The following GALNS variants were observed in gnomAD, a reference collection of about 807,000 sequenced individuals.
GALNS encodes the protein N-acetylgalactosamine-6-sulfatase.
Under a neutral mutation model 65.9 loss-of-function variants are expected in GALNS, and 65 were observed. The ratio of observed to expected loss-of-function variants is 0.99; its 90% CI spans 0.81 to 1.21. The LOEUF is 1.21. Ranked by LOEUF, GALNS falls within the 50% of genes most tolerant of loss-of-function variation. The pLI is 0.00. For synonymous variants in GALNS, 346 were observed against 288.9 expected, an observed-to-expected ratio of 1.20 and a Z score of -2.00; for missense variants, 776 against 700.7, an observed-to-expected ratio of 1.11 and a Z score of -1.21.
At chr16:88,855,500 G>A (rs1967774477) in intron 1 of GALNS, 1 of 702,810 alleles carries the variant, frequency 1.4e-6, no homozygotes, top group Non-Finnish European at 2.6e-6. Context: ...GGGCGCTGGA[G>A]AGCGTGCTCT....
chr16:88,838,438 CG>C, intron 4 of GALNS: 1 of 152,952 alleles, frequency 6.5e-6, no homozygotes, highest in Non-Finnish European at 1.5e-5. Flanking sequence ...CTCCTGGGAC[CG>C]GGGTTCACCT....
intron 11 of GALNS, 43 bp downstream of exon 11, chr16:88,824,724 G>A (rs372676267): frequency 6.5e-7 from 1 of 1,543,442 alleles, no homozygotes; most frequent in East Asian, 2.2e-5. Context: ...TCTGGATAGA[G>A]ATGGGGGCAG....
In GALNS at chr16:88,837,695, A is replaced by C; in HGVS notation, c.493T>G (p.Cys165Gly). ...TTGTTGTCATAAGGTCCAAAGTGGCAGTTGGGGGATCCAAACCACTCATCA... is the reference window on the plus strand; with the variant it reads ...TTGTTGTCATAAGGTCCAAAGTGGCCGTTGGGGGATCCAAACCACTCATCA... ...GFDEWFGSPN[C>G]HFGPYDNKAR... is the part of the protein sequence containing the mutation. The change falls in exon 5 of 14, where the codon TGC (cysteine) becomes GGC (glycine). Residue 165 changes from cysteine to glycine, a missense_variant. Cys to Gly is a radical substitution (Grantham distance 159). Coordinates refer to ENST00000268695, the MANE Select transcript of GALNS (RefSeq NM_000512.5). The C allele has an allele frequency of 1.2e-6, 2 of 1,614,084 alleles. No individual in the cohort carries two copies. Among genetic ancestry groups the C allele is most frequent in the Non-Finnish European group, 1.7e-6 (2 of 1,179,976 alleles).
intron 13 of GALNS, chr16:88,817,251 CG>C (rs1567512461): frequency 1.5e-4 from 60 of 405,706 alleles, no homozygotes; most frequent in Non-Finnish European, 1.5e-4. Flanking sequence ...CTGGACAAGA[CG>C]ACGACGCATC....
intron 9 of GALNS, chr16:88,827,119 C>T (rs1911013048): frequency 3.6e-6 from 2 of 555,186 alleles, no homozygotes; most frequent in South Asian, 2.0e-5. Flanking sequence ...ACAGCCCTCC[C>T]AGGGAGATGC....
intron 8 of GALNS, among the ~76,000 whole-genome samples, chr16:88,833,663 G>A (rs185921943): frequency 6.6e-6 from 1 of 151,888 alleles, no homozygotes; most frequent in Admixed American, 6.6e-5. Context: ...TGTTAGCCAG[G>A]ATGGTCTCGA....
rs1028496429 is a variant in GALNS at position 88,842,071 on chromosome 16, C to T, written c.245-100G>A. On this transcript the variant is annotated intron_variant, in intron 2 of 13. Coordinates refer to ENST00000268695, the MANE Select transcript of GALNS (RefSeq NM_000512.5). ...AACGAGTAGACAGACGCGTGACAGA[C>T]GAGGCACGCGCAGGTTTACAAGGGG... 38 of 1,041,130 alleles carry T rather than the reference C, an allele frequency of 3.6e-5. No individual in the cohort carries two copies. The Admixed American group carries it at 4.0e-4, about 11-fold the overall frequency. 64.5% of individuals were successfully genotyped at this position (1,041,130 alleles called of 1,614,324 possible). A position where few individuals can be genotyped will look rare whatever the true frequency, so the allele number is the denominator to read the frequency against.
chr16:88,844,381 C>G (rs1209442680), intron 1 of GALNS: 3 of 152,230 alleles, frequency 2.0e-5, no homozygotes, highest in South Asian at 4.1e-4. Context: ...TGGGCCAGGA[C>G]TTTGCTCTAG....
chr16:88,841,873 C>T, intron 3 of GALNS, 24 bp downstream of exon 3: 2 of 1,605,642 alleles, frequency 1.2e-6, no homozygotes, highest in Non-Finnish European at 1.7e-6. Flanking sequence ...CCAAGGGTGT[C>T]CCTGGAGGCG....
chr16:88,827,832 C>T (rs2142996562), intron 9 of GALNS, among the ~76,000 whole-genome samples: 1 of 152,338 alleles, frequency 6.6e-6, no homozygotes, highest in African/African-American at 2.4e-5. Context: ...CTGGCAAGCT[C>T]AGCCCCTGGG....
chr16:88,844,944 C>A (rs1439434480), intron 1 of GALNS: 1 of 152,254 alleles, frequency 6.6e-6, no homozygotes, highest in Non-Finnish European at 1.5e-5. Flanking sequence ...AAACTTTATT[C>A]ATCAACATCT....
chr16:88,816,951 G>A, intron 13 of GALNS: 3 of 985,466 alleles, frequency 3.0e-6, no homozygotes, highest in Non-Finnish European at 3.6e-6. Flanking sequence ...CTCGAGGCTG[G>A]GCTCGGCCAT....
intron 11 of GALNS, 122 bp downstream of exon 11, chr16:88,824,645 T>G (rs1597540446): frequency 1.3e-6 from 1 of 782,660 alleles, no homozygotes; most frequent in Non-Finnish European, 2.2e-6. Context: ...GAGAAGGCTG[T>G]GGAGGGGGTG....
Position 88,844,282 on chromosome 16 carries a change from G to A in GALNS, c.121-1453C>T, listed in dbSNP as rs548612278. 2.0e-5 allele frequency: 3 copies of A among 152,314 alleles called. No individual in the cohort carries two copies. In the East Asian group the frequency reaches 5.8e-4, roughly 29 times the overall value. 9.4% of individuals were successfully genotyped at this position (152,314 alleles called of 1,614,324 possible). A position where few individuals can be genotyped will look rare whatever the true frequency, so the allele number is the denominator to read the frequency against. ...ACAGCAAATGCCCACGGCAAACTCC[G>A]GAGGTGAGTGGCAGCGGCGGTGTTC... is the stretch of plus-strand genomic sequence containing the variant. On this transcript the variant is annotated intron_variant, in intron 1 of 13. Transcript: ENST00000268695.
chr16:88,835,555 C>A (rs1486697492), intron 7 of GALNS, among the ~76,000 whole-genome samples, 170 bp downstream of exon 7: 3 of 152,226 alleles, frequency 2.0e-5, no homozygotes, highest in African/African-American at 7.2e-5. Context: ...AGCACCCCCA[C>A]CACAGCCCTC....
rs1909397730 is a variant in GALNS at position 88,814,226 on chromosome 16, T to C, written c.*213A>G. On this transcript the variant is annotated 3_prime_UTR_variant, in exon 14 of 14. Coordinates refer to ENST00000268695, the MANE Select transcript of GALNS (RefSeq NM_000512.5). ...GCGCCGTGGGCGAGGAGGAGGGTCC[T>C]GAAATCTGAGGCGCCGTGGGCGAGG... is the stretch of plus-strand genomic sequence containing the variant. The C allele has an allele frequency of 1.5e-6, 1 of 660,874 alleles. No homozygotes were observed. Among genetic ancestry groups the C allele is most frequent in the Non-Finnish European group, 2.6e-6 (1 of 380,108 alleles). The allele number at this position is 660,874 out of a possible 1,614,324, so 40.9% of individuals were successfully genotyped here.
In GALNS at chr16:88,818,395, C is replaced by T. The variant is rs115039830; in HGVS notation, c.1365-271G>A. On this transcript the variant is annotated intron_variant, in intron 12 of 13. Transcript: ENST00000268695. ...CTGGCAGAGAGGCTGTGAGTAGAGC[C>T]GTCCCATCCTGTCCCTGCCTGTGAC... Among the ~76,000 whole-genome samples the T allele has an allele frequency of 5.6e-3, 851 of 152,320 alleles. 11 individuals are homozygous for T. Among genetic ancestry groups the T allele is most frequent in the African/African-American group, 0.02 (813 of 41,562 alleles).
At chr16:88,856,502 G>C (rs918870083) in intron 1 of GALNS, 37 of 698,594 alleles carry the variant, frequency 5.3e-5, no homozygotes, top group Admixed American at 3.8e-4. Context: ...AGCGCGTGTG[G>C]TGATCGGTGA....
In GALNS at chr16:88,822,277, C is replaced by G. The variant is rs1910308921; in HGVS notation, c.1364+312G>C. 2.6e-5 allele frequency among the ~76,000 whole-genome samples: 4 copies of G among 152,192 alleles called. No homozygotes were observed. In the South Asian group the frequency reaches 8.3e-4, roughly 31 times the overall value. ...TGTGTCCTTGTACCTCCTACTTGCC[C>G]CAGGGCCTGGACCCCTCCCCTCTGG... On this transcript the variant is annotated intron_variant, in intron 12 of 13. Coordinates refer to ENST00000268695, the MANE Select transcript of GALNS (RefSeq NM_000512.5).
Sources: allele counts gnomAD v4.1 joint callset (sites outside exome capture counted in the v4.1 genomes callset), GRCh38; gene constraint gnomAD v4.1.1; transcripts MANE v1.5; gene names NCBI Gene and HGNC (gene_info 2026-07-23, HGNC 2026-07-21).